The following EML2 variants were observed in gnomAD, a reference collection of about 807,000 sequenced individuals.
EML2 encodes the protein EMAP like 2, also known as echinoderm microtubule-associated protein-like 2.
A neutral mutation model predicts 84.7 loss-of-function variants in EML2; 59 were observed. That is an observed-to-expected ratio of 0.70 (90% CI 0.56 to 0.86). The LOEUF is 0.86. EML2 is among the 40% of genes least tolerant of loss of function. EML2 has a pLI of 0.00. For missense variants in EML2, 818 were observed against 855.6 expected, an observed-to-expected ratio of 0.96 and a Z score of 0.55; for synonymous variants, 352 against 348.9, an observed-to-expected ratio of 1.01 and a Z score of -0.10.
intron 4 of EML2, among the ~76,000 whole-genome samples, chr19:45,634,074 G>C (rs999978731): frequency 2.6e-5 from 4 of 152,156 alleles, no homozygotes; most frequent in Admixed American, 2.6e-4. Flanking sequence ...CTCCTGAGTA[G>C]CTGGGACCAT....
chr19:45,629,379 G>T (rs1474369555), intron 7 of EML2, among the ~76,000 whole-genome samples: 1 of 152,056 alleles, frequency 6.6e-6, no homozygotes, highest in Non-Finnish European at 1.5e-5. Flanking sequence ...AGGCTGGAGT[G>T]CAATGGTGTG....
At position 45,632,942 on chromosome 19, in the gene EML2, G is replaced by A; in HGVS notation, c.429C>T (p.Asp143=). 3.1e-6 allele frequency: 5 copies of A among 1,614,222 alleles called. No individual in the cohort carries two copies. Among genetic ancestry groups the A allele is most frequent in the Non-Finnish European group, 4.2e-6 (5 of 1,180,034 alleles). ...CGTGTAAGGTGGAGAGGGAAACTGA[G>A]TCCCAGATGCGCACGTGGGGCGGCA... is the stretch of plus-strand genomic sequence containing the variant. ...KPLPPHVRIW[D]SVSLSTLHVL... is the part of the protein sequence containing the mutation. The change falls in exon 6 of 19, where the codon GAC becomes GAT. Residue 143 remains aspartate, a synonymous_variant. Coordinates refer to ENST00000245925, the MANE Select transcript of EML2 (RefSeq NM_012155.4).
intron 18 of EML2, 124 bp downstream of exon 18, chr19:45,613,417 C>T (rs1970692417): frequency 8.4e-7 from 1 of 1,188,284 alleles, no homozygotes; most frequent in South Asian, 1.5e-5. Flanking sequence ...AGACTACTGT[C>T]CTCCTTGTAC....
chr19:45,626,552 T>C (rs1387438001), intron 8 of EML2, among the ~76,000 whole-genome samples, 153 bp downstream of exon 8: 1 of 151,828 alleles, frequency 6.6e-6, no homozygotes, highest in Non-Finnish European at 1.5e-5. Flanking sequence ...ATCACCATGG[T>C]ATGGAGAAAG....
upstream of EML2, chr19:45,639,408 G>A (rs1974182075): frequency 8.0e-7 from 1 of 1,254,468 alleles, no homozygotes; most frequent in Non-Finnish European, 1.0e-6. Flanking sequence ...GGGGCCGGGG[G>A]TGGAGCCGGG....
At chr19:45,611,351 C>T (rs1007419456) in intron 18 of EML2, among the ~76,000 whole-genome samples, 17 of 148,820 alleles carry the variant, frequency 1.1e-4, no homozygotes, top group Non-Finnish European at 1.2e-4. Context: ...GCGGAGGTTG[C>T]AGTGAGCCAA....
At chr19:45,625,718 C>T (rs1362505057) in intron 8 of EML2, among the ~76,000 whole-genome samples, 1 of 152,198 alleles carries the variant, frequency 6.6e-6, no homozygotes, top group African/African-American at 2.4e-5. Flanking sequence ...GGGTGGAAGC[C>T]CCATCTCTCA....
intron 18 of EML2, among the ~76,000 whole-genome samples, chr19:45,610,847 A>G (rs1970421956): frequency 6.6e-6 from 1 of 152,188 alleles, no homozygotes; most frequent in Non-Finnish European, 1.5e-5. Context: ...CAAAAAAACA[A>G]AAACAAACAA....
upstream of EML2, chr19:45,639,414 C>G (rs1457646994): frequency 8.0e-7 from 1 of 1,251,676 alleles, no homozygotes; most frequent in Admixed American, 4.2e-5. Context: ...GGGGGTGGAG[C>G]CGGGACCGGC....
At chr19:45,611,856 C>T (rs34995718) in intron 18 of EML2, among the ~76,000 whole-genome samples, 13,392 of 151,736 alleles carry the variant, frequency 0.088, 790 homozygotes, top group Non-Finnish European at 0.14. Context: ...TATGCGTTTT[C>T]GTGTGTGTGG....
rs373413672 is a variant in EML2, at chr19:45,624,828, G to A, written c.742-10C>T. 6.4e-5 allele frequency: 102 copies of A among 1,600,590 alleles called. No homozygotes were observed. The highest frequency in any genetic ancestry group is 8.3e-5 in the Non-Finnish European group (97 of 1,171,814). On this transcript the variant is annotated splice_polypyrimidine_tract_variant and intron_variant, in intron 8 of 18. Transcript: ENST00000245925. ...TCGGTTTCTCATGTTTCTAAGGTGG[G>A]GGAGGAAAGGAAGGTGTCAGAGCGT... is the stretch of plus-strand genomic sequence containing the variant.
chr19:45,642,493 A>G, upstream of EML2: 1 of 1,434,044 alleles, frequency 7.0e-7, no homozygotes, highest in Non-Finnish European at 9.1e-7. Context: ...ACACTTGGAC[A>G]TGAGCCAAGG....
At chr19:45,620,940 C>T in intron 11 of EML2, 1 of 569,902 alleles carries the variant, frequency 1.8e-6, no homozygotes, top group Non-Finnish European at 3.3e-6. Flanking sequence ...CCTGTAGGGA[C>T]ACTCACCAAC....
In EML2 at chr19:45,638,893, A is replaced by G. The variant is rs781020916; in HGVS notation, c.21-20T>C. On this transcript the variant is annotated intron_variant, in intron 1 of 18. Coordinates refer to ENST00000245925, the MANE Select transcript of EML2 (RefSeq NM_012155.4). ...GTTTTGCTGTCAGGAAAGGACAAAG[A>G]AAAAAAAAGGGTCTTAGTATTCAGT... is the stretch of plus-strand genomic sequence containing the variant. 30 of 1,605,288 alleles carry G rather than the reference A, an allele frequency of 1.9e-5. No homozygotes were observed. The highest frequency in any genetic ancestry group is 8.1e-5 in the African/African-American group (6 of 74,024).
chr19:45,617,040 G>A (rs1291996060), intron 13 of EML2, among the ~76,000 whole-genome samples, 187 bp from the exon 14 acceptor site: 1 of 152,162 alleles, frequency 6.6e-6, no homozygotes, highest in Non-Finnish European at 1.5e-5. Context: ...GAGGTCAAGA[G>A]TTCGAAATCA....
intron 16 of EML2, 87 bp from the exon 17 acceptor site, chr19:45,614,787 C>T (rs1970843437): frequency 1.7e-6 from 2 of 1,146,410 alleles, no homozygotes; most frequent in Non-Finnish European, 2.6e-6. Flanking sequence ...GAGCTGAGGT[C>T]CAAGACAGAG....
intron 18 of EML2, 50 bp downstream of exon 18, chr19:45,613,491 C>T (rs754334260): frequency 5.6e-6 from 9 of 1,600,078 alleles, no homozygotes; most frequent in Non-Finnish European, 7.7e-6. Context: ...AATTTTGTCC[C>T]CACCCCTGCT....
intron 7 of EML2, 33 bp downstream of exon 7, chr19:45,629,918 C>A (rs769477488): frequency 2.6e-6 from 4 of 1,551,116 alleles, no homozygotes; most frequent in Non-Finnish European, 3.6e-6. Context: ...CACAGTGGCA[C>A]CCAGCAGGAG....
chr19:45,643,456 A>T, upstream of EML2: 1 of 1,159,446 alleles, frequency 8.6e-7, no homozygotes, highest in Non-Finnish European at 1.2e-6. Context: ...TTGGCTCTCC[A>T]GCCTATGGGT....
Sources: allele counts gnomAD v4.1 joint callset (sites outside exome capture counted in the v4.1 genomes callset), GRCh38; gene constraint gnomAD v4.1.1; transcripts MANE v1.5; gene names NCBI Gene and HGNC (gene_info 2026-07-23, HGNC 2026-07-21).